The following COL11A1 variants were observed in gnomAD, a reference collection of about 807,000 sequenced individuals.
COL11A1 encodes the protein collagen type XI alpha 1 chain.
COL11A1 carries 74 observed loss-of-function variants against 265.2 expected under a neutral mutation model. The ratio of observed to expected loss-of-function variants is 0.28; its 90% confidence interval spans 0.23 to 0.34. The LOEUF is 0.34. COL11A1 is among the 10% of genes least tolerant of loss of function. COL11A1 has a pLI of 1.00. For missense variants in COL11A1, 2,165 were observed against 2,263.6 expected (o/e 0.96, Z 0.88); for synonymous variants, 816 against 727.6 (o/e 1.12, Z -1.96).
At chr1:102,979,940 T>G (rs1662878932) in intron 31 of COL11A1, among the ~76,000 whole-genome samples, 1 of 152,176 alleles carries the variant, frequency 6.6e-6, no homozygotes, top group Non-Finnish European at 1.5e-5. Flanking sequence ...ACTAAAAACC[T>G]TCCTCCACTT....
intron 4 of COL11A1, among the ~76,000 whole-genome samples, chr1:103,056,625 T>TA (rs1158341571): frequency 6.6e-6 from 1 of 152,020 alleles, no homozygotes; most frequent in Non-Finnish European, 1.5e-5. Flanking sequence ...CTGTTCTTCT[T>TA]AAAAAAAGCA....
chr1:103,069,451 C>T (rs1456038312), intron 4 of COL11A1, among the ~76,000 whole-genome samples: 2 of 151,642 alleles, frequency 1.3e-5, no homozygotes, highest in East Asian at 1.9e-4. Flanking sequence ...GAAACAACAA[C>T]GTTCTGATAC....
intron 24 of COL11A1, 113 bp from the exon 25 acceptor site, chr1:102,998,476 G>A (rs111513282): frequency 1.7e-6 from 1 of 599,292 alleles, no homozygotes; most frequent in Non-Finnish European, 2.8e-6. Flanking sequence ...CAATTCATAA[G>A]TAATAACCAT....
At chr1:102,891,451 G>A (rs1262547942) in intron 57 of COL11A1, among the ~76,000 whole-genome samples, 1 of 151,810 alleles carries the variant, frequency 6.6e-6, no homozygotes, top group Non-Finnish European at 1.5e-5. Context: ...CCCAGACTAA[G>A]ACATTTATCC....
At chr1:103,095,389 T>C (rs889569316) in intron 1 of COL11A1, among the ~76,000 whole-genome samples, 1 of 151,956 alleles carries the variant, frequency 6.6e-6, no homozygotes, top group African/African-American at 2.4e-5. Flanking sequence ...AAAAAGATTA[T>C]AGGGAGGGTT....
intron 4 of COL11A1, among the ~76,000 whole-genome samples, chr1:103,060,768 C>T (rs1670615270): frequency 6.6e-6 from 1 of 151,962 alleles, no homozygotes; most frequent in South Asian, 2.1e-4. Flanking sequence ...TTGAGACAAG[C>T]CTGGGCAACA....
intron 41 of COL11A1, among the ~76,000 whole-genome samples, chr1:102,948,086 T>G (rs1039314155): frequency 6.6e-6 from 1 of 151,954 alleles, no homozygotes; most frequent in South Asian, 2.1e-4. Flanking sequence ...ATATTAGAAA[T>G]CATTTTATTA....
At chr1:103,011,201 T>C (rs542679732) in intron 14 of COL11A1, among the ~76,000 whole-genome samples, 53 of 152,258 alleles carry the variant, frequency 3.5e-4, no homozygotes, top group Non-Finnish European at 7.4e-4. Context: ...AATTTCATAA[T>C]ACACTAACAT....
chr1:102,923,224 T>C, intron 47 of COL11A1, 112 bp downstream of exon 47: 1 of 892,878 alleles, frequency 1.1e-6, no homozygotes, highest in Non-Finnish European at 1.8e-6. Flanking sequence ...CAGTTGCTTA[T>C]ATACACCTCA....
intron 31 of COL11A1, among the ~76,000 whole-genome samples, chr1:102,983,161 GT>G (rs1423156719): frequency 6.6e-6 from 1 of 151,908 alleles, no homozygotes; most frequent in Non-Finnish European, 1.5e-5. Flanking sequence ...CCTTAACAAA[GT>G]TTTATGATAG....
intron 1 of COL11A1, among the ~76,000 whole-genome samples, chr1:103,089,054 T>A (rs551743055): frequency 6.6e-6 from 1 of 152,322 alleles, no homozygotes; most frequent in African/African-American, 2.4e-5. Flanking sequence ...ATCTGTAGAT[T>A]TTTTCCAGTC....
intron 1 of COL11A1, among the ~76,000 whole-genome samples, chr1:103,084,032 A>T (rs1672655934): frequency 6.6e-6 from 1 of 152,170 alleles, no homozygotes; most frequent in Non-Finnish European, 1.5e-5. Context: ...CAAAACACCC[A>T]CTTAAAAGCA....
chr1:102,898,295 C>A, intron 56 of COL11A1, 117 bp from the exon 57 acceptor site: 1 of 416,402 alleles, frequency 2.4e-6, no homozygotes, highest in East Asian at 6.2e-5. Flanking sequence ...CCTTAAGTTC[C>A]ACCATATGGA....
At chr1:103,086,455 T>C (rs558744844) in intron 1 of COL11A1, among the ~76,000 whole-genome samples, 175 of 152,286 alleles carry the variant, frequency 1.1e-3, no homozygotes, top group East Asian at 3.5e-3. Flanking sequence ...CTTGCTCTGT[T>C]GCCCAGGCTG....
intron 4 of COL11A1, among the ~76,000 whole-genome samples, chr1:103,044,561 G>A (rs776478796): frequency 6.6e-6 from 1 of 151,952 alleles, no homozygotes; most frequent in African/African-American, 2.4e-5. Flanking sequence ...GTTAAACAAG[G>A]ATTCTTACTA....
rs540446110 is a variant in COL11A1, at chr1:102,910,690, T to C, written c.4086+1469A>G. On this transcript the variant is annotated intron_variant, in intron 54 of 66. Transcript: ENST00000370096. ...GAGGTGATTTTTTTTTTTATTGTGTTACATGATTTATCTTATGTTCAACCC... is the reference window on the plus strand; with the variant it reads ...GAGGTGATTTTTTTTTTTATTGTGTCACATGATTTATCTTATGTTCAACCC... Among the ~76,000 whole-genome samples the C allele has an allele frequency of 3.3e-5, 5 of 152,218 alleles. No individual in the cohort carries two copies. The South Asian group carries it at 1.0e-3, about 32-fold the overall frequency.
At chr1:103,034,111 A>G (rs1360835877) in intron 4 of COL11A1, among the ~76,000 whole-genome samples, 1 of 151,820 alleles carries the variant, frequency 6.6e-6, no homozygotes, top group Non-Finnish European at 1.5e-5. Context: ...CAGTCACTTC[A>G]CTCTTGAAGT....
intron 54 of COL11A1, among the ~76,000 whole-genome samples, chr1:102,901,319 T>TA (rs35142040): frequency 0.031 from 3,857 of 125,724 alleles, 121 homozygotes; most frequent in African/African-American, 0.08. Context: ...AAACTCTGTC[T>TA]AAAAAAAAAA....
intron 36 of COL11A1, among the ~76,000 whole-genome samples, chr1:102,973,450 T>C (rs1044799449): frequency 2.0e-5 from 3 of 152,180 alleles, no homozygotes; most frequent in Non-Finnish European, 4.4e-5. Flanking sequence ...CAAGCAGTTC[T>C]CAACAATACA....
Sources: allele counts gnomAD v4.1 joint callset (sites outside exome capture counted in the v4.1 genomes callset), GRCh38; gene constraint gnomAD v4.1.1; transcripts MANE v1.5; gene names NCBI Gene and HGNC (gene_info 2026-07-23, HGNC 2026-07-21).